DCLK2: variants seen among roughly 807,000 people sequenced by gnomAD.
DCLK2 encodes the protein serine/threonine-protein kinase DCLK2.
DCLK2 carries 31 observed loss-of-function variants against 78.4 expected under a neutral mutation model. The observed-to-expected ratio is 0.40, with a 90% confidence interval of 0.30 to 0.53. The LOEUF (loss-of-function observed/expected upper bound fraction) is 0.53, where lower values mean the gene tolerates loss of function less well. DCLK2 is among the 20% of genes least tolerant of loss of function. DCLK2 has a pLI of 0.61. For synonymous variants in DCLK2, 407 were observed against 374.9 expected (o/e 1.09, Z -0.99); for missense variants, 872 against 973.7 (o/e 0.90, Z 1.39).
At chr4:150,189,613 AC>A (rs1487241155) in intron 2 of DCLK2, among the ~76,000 whole-genome samples, 1 of 152,206 alleles carries the variant, frequency 6.6e-6, no homozygotes, top group Non-Finnish European at 1.5e-5. Flanking sequence ...TTGAGATAAT[AC>A]ATGCCGCCAT....
intron 2 of DCLK2, among the ~76,000 whole-genome samples, chr4:150,120,930 G>A (rs1732485127): frequency 6.6e-6 from 1 of 152,130 alleles, no homozygotes; most frequent in Non-Finnish European, 1.5e-5. Context: ...AATTAGCCAG[G>A]CGTGGTGGCA....
intron 2 of DCLK2, among the ~76,000 whole-genome samples, chr4:150,113,765 C>A (rs1233286202): frequency 1.4e-5 from 2 of 141,742 alleles, no homozygotes; most frequent in Non-Finnish European, 3.1e-5. Context: ...TTGCTCTGAT[C>A]TTTATTTTCT....
chr4:150,205,600 A>G (rs1739787789), intron 5 of DCLK2, among the ~76,000 whole-genome samples: 1 of 152,258 alleles, frequency 6.6e-6, no homozygotes, highest in East Asian at 1.9e-4. Context: ...GTCAATTCCC[A>G]GAAAAGTTAC....
At chr4:150,178,288 G>T (rs1737229819) in intron 2 of DCLK2, among the ~76,000 whole-genome samples, 3 of 152,172 alleles carry the variant, frequency 2.0e-5, no homozygotes, top group South Asian at 4.1e-4. Flanking sequence ...CAAATCAGTT[G>T]TACATATGTT....
chr4:150,253,733 T>G, intron 15 of DCLK2: 2 of 985,408 alleles, frequency 2.0e-6, no homozygotes, highest in Non-Finnish European at 2.4e-6. Context: ...AACTTTATTT[T>G]CAAACTTCTC....
intron 14 of DCLK2, among the ~76,000 whole-genome samples, chr4:150,249,081 G>C (rs1421640392): frequency 6.6e-6 from 1 of 152,144 alleles, no homozygotes; most frequent in Admixed American, 6.5e-5. Flanking sequence ...AGTTTCTCTG[G>C]ACCCTGCTTG....
intron 6 of DCLK2, among the ~76,000 whole-genome samples, chr4:150,221,099 G>A (rs1369878343): frequency 6.6e-6 from 1 of 152,082 alleles, no homozygotes; most frequent in African/African-American, 2.4e-5. Context: ...TCTTGATTTG[G>A]TGTCTTCTGT....
At chr4:150,194,699 A>G (rs1738735586) in intron 3 of DCLK2, among the ~76,000 whole-genome samples, 1 of 152,174 alleles carries the variant, frequency 6.6e-6, no homozygotes, top group African/African-American at 2.4e-5. Flanking sequence ...TCTTAGAGAT[A>G]CGATCCTCCT....
At chr4:150,210,993 T>G (rs1421749322) in intron 5 of DCLK2, among the ~76,000 whole-genome samples, 1 of 151,872 alleles carries the variant, frequency 6.6e-6, no homozygotes, top group Non-Finnish European at 1.5e-5. Context: ...TCCCAAAATT[T>G]AGCAGCTTAA....
chr4:150,208,876 G>A (rs1434638928), intron 5 of DCLK2, among the ~76,000 whole-genome samples: 2 of 152,190 alleles, frequency 1.3e-5, no homozygotes, highest in Non-Finnish European at 2.9e-5. Flanking sequence ...ACAGTACTCA[G>A]TGGAGCTGAG....
At position 150,078,518 on chromosome 4, in the gene DCLK2, C is replaced by G. The variant is rs928565142; in HGVS notation, c.-510C>G. 2.0e-5 allele frequency: 3 copies of G among 151,054 alleles called. No individual in the cohort carries two copies. The highest frequency in any genetic ancestry group is 2.9e-5 in the Non-Finnish European group (2 of 67,880). The allele number at this position is 151,054 out of a possible 1,614,324, so 9.4% of individuals were successfully genotyped here. A position where few individuals can be genotyped will look rare whatever the true frequency, so the allele number is the denominator to read the frequency against. ...GATCCGGGCGCGGCCGAGGCGGCGG[C>G]GCTGCACCCCGGGCCTGGGCCCGCG... On this transcript the variant is annotated 5_prime_UTR_variant, in exon 1 of 16. Transcript: ENST00000296550.
chr4:150,156,851 G>C (rs7683407), intron 2 of DCLK2, among the ~76,000 whole-genome samples: 45,158 of 150,960 alleles, frequency 0.3, 6,881 homozygotes, highest in East Asian at 0.34. Flanking sequence ...GATCACTGCA[G>C]TCTTGACCTC....
chr4:150,209,051 C>T (rs1303625303), intron 5 of DCLK2, among the ~76,000 whole-genome samples: 2 of 152,146 alleles, frequency 1.3e-5, no homozygotes, highest in Non-Finnish European at 2.9e-5. Flanking sequence ...ACACTACCAG[C>T]CCCAAGGACA....
chr4:150,127,514 T>C (rs752780159), intron 2 of DCLK2, among the ~76,000 whole-genome samples: 1 of 152,222 alleles, frequency 6.6e-6, no homozygotes. Flanking sequence ...TGGGAGCTTC[T>C]TCAAGTTGGA....
At chr4:150,241,960 T>C (rs1197829547) in intron 12 of DCLK2, among the ~76,000 whole-genome samples, 2 of 152,230 alleles carry the variant, frequency 1.3e-5, no homozygotes, top group African/African-American at 4.8e-5. Context: ...GACATGAACA[T>C]TTAGCCTATG....
At chr4:150,216,091 A>G (rs1740696022) in intron 5 of DCLK2, among the ~76,000 whole-genome samples, 1 of 152,094 alleles carries the variant, frequency 6.6e-6, no homozygotes, top group Admixed American at 6.6e-5. Context: ...CTTTTTTTTG[A>G]GACTTGCCTA....
Position 150,155,440 on chromosome 4 carries a change from C to T in DCLK2, c.757-37698C>T, listed in dbSNP as rs930028455. On this transcript the variant is annotated intron_variant, in intron 2 of 15. Transcript: ENST00000296550. ...GTTGGAATATGTGTTTCAAGAGGTTCGGTTTTTGTATGCAGCAAAGCGCTA... is the reference window on the plus strand; with the variant it reads ...GTTGGAATATGTGTTTCAAGAGGTTTGGTTTTTGTATGCAGCAAAGCGCTA... 4.6e-5 allele frequency among the ~76,000 whole-genome samples: 7 copies of T among 152,054 alleles called. 1 individual carries two copies. Among genetic ancestry groups the T allele is most frequent in the South Asian group, 2.1e-4 (1 of 4,822 alleles).
In DCLK2 at chr4:150,187,935, G is replaced by A. The variant is rs1461113749; in HGVS notation, c.757-5203G>A. Among the ~76,000 whole-genome samples the A allele has an allele frequency of 3.3e-5, 5 of 151,890 alleles. No individual in the cohort carries two copies. In the East Asian group the frequency reaches 9.7e-4, roughly 29 times the overall value. On this transcript the variant is annotated intron_variant, in intron 2 of 15. Transcript: ENST00000296550. ...CCTGCTTCAGCCTCCCGAGTAACTG[G>A]GACTACAGGTGCGTGCCACCACACC...
intron 15 of DCLK2, 121 bp from the exon 16 acceptor site, chr4:150,255,899 G>T: frequency 6.9e-7 from 1 of 1,447,390 alleles, no homozygotes. Context: ...TAGAAGCTTG[G>T]CGTTATTTCT....
Sources: gnomAD v4.1 joint callset for allele counts (sites outside exome capture counted in the v4.1 genomes callset) on GRCh38, gnomAD v4.1.1 for gene constraint, MANE v1.5 for transcripts, NCBI Gene and HGNC (gene_info 2026-07-23, HGNC 2026-07-21) for gene names.